VSTM4: variants seen among roughly 807,000 people sequenced by gnomAD.
VSTM4 encodes the protein V-set and transmembrane domain containing 4.
Under a neutral mutation model 36.4 loss-of-function variants are expected in VSTM4, and 20 were observed. The ratio of observed to expected loss-of-function variants is 0.55; its 90% CI spans 0.39 to 0.80. VSTM4 has a LOEUF of 0.80. VSTM4 is among the 30% of genes least tolerant of loss of function. VSTM4 has a pLI of 0.00. For missense variants in VSTM4, 392 were observed against 404.5 expected, an observed-to-expected ratio of 0.97 and a Z score of 0.26; for synonymous variants, 182 against 173.9, an observed-to-expected ratio of 1.05 and a Z score of -0.37.
chr10:49,102,376 C>G (rs1414004100), intron 2 of VSTM4: 4 of 980,658 alleles, frequency 4.1e-6, no homozygotes, highest in Non-Finnish European at 3.6e-6. Flanking sequence ...CTTCGTGATC[C>G]ACCCACCTCG....
At chr10:49,043,235 C>T (rs1007110528) in intron 7 of VSTM4, among the ~76,000 whole-genome samples, 1 of 152,054 alleles carries the variant, frequency 6.6e-6, no homozygotes, top group African/African-American at 2.4e-5. Flanking sequence ...GAAGACTTAC[C>T]ACAATAAAAA....
intron 5 of VSTM4, among the ~76,000 whole-genome samples, chr10:49,059,510 G>A (rs1249447616): frequency 2.0e-5 from 3 of 152,106 alleles, no homozygotes; most frequent in Admixed American, 6.5e-5. Context: ...GAAACTGTAA[G>A]GGAAAAAAGA....
chr10:49,108,465 G>T (rs903691113), intron 1 of VSTM4, among the ~76,000 whole-genome samples: 3 of 152,110 alleles, frequency 2.0e-5, no homozygotes, highest in Admixed American at 6.5e-5. Flanking sequence ...GTGGGGAGCC[G>T]CCCTGGAGCA....
At chr10:49,095,427 G>A (rs1844552524) in intron 2 of VSTM4, among the ~76,000 whole-genome samples, 2 of 152,050 alleles carry the variant, frequency 1.3e-5, no homozygotes, top group Admixed American at 6.6e-5. Flanking sequence ...CCCCGGCAGG[G>A]TCCTTGGTAC....
chr10:49,049,482 T>C lies in VSTM4; in HGVS notation c.669-898A>G, dbSNP rs375636825. ...TGACCATTCATCTTCTTGCAAATGC[T>C]TCCTATTCGCTCCAGTAATCCAGAG... On this transcript the variant is annotated intron_variant, in intron 5 of 7. Transcript: ENST00000332853. 7.2e-5 allele frequency among the ~76,000 whole-genome samples: 11 copies of C among 152,342 alleles called. No homozygotes were observed. In the East Asian group the frequency reaches 1.7e-3, roughly 24 times the overall value.
chr10:49,037,979 GAAGA>G (rs1400002116), intron 7 of VSTM4, among the ~76,000 whole-genome samples: 1 of 151,328 alleles, frequency 6.6e-6, no homozygotes, highest in Admixed American at 6.6e-5. Flanking sequence ...GTGAGGATAT[GAAGA>G]AATTGAAACC....
intron 5 of VSTM4, among the ~76,000 whole-genome samples, chr10:49,057,559 G>A (rs1009247473): frequency 1.3e-5 from 2 of 152,194 alleles, no homozygotes; most frequent in Non-Finnish European, 2.9e-5. Flanking sequence ...GAATCCAGGT[G>A]CATATTCTTT....
chr10:49,048,422 C>T, intron 6 of VSTM4, 56 bp downstream of exon 6: 1 of 1,478,080 alleles, frequency 6.8e-7, no homozygotes, highest in African/African-American at 1.4e-5. Context: ...AACCCCAGAC[C>T]CACAGGGATC....
chr10:49,072,747 C>T (rs59889308), intron 4 of VSTM4, among the ~76,000 whole-genome samples: 26,919 of 152,142 alleles, frequency 0.18, 2,708 homozygotes, highest in Non-Finnish European at 0.23. Context: ...ACCAGCCCTG[C>T]TGTCCTATTT....
chr10:49,089,079 T>A (rs756700535), intron 2 of VSTM4, among the ~76,000 whole-genome samples: 6 of 152,226 alleles, frequency 3.9e-5, no homozygotes, highest in Non-Finnish European at 5.9e-5. Flanking sequence ...AAAGACTCAA[T>A]TGCCACTTGC....
chr10:49,077,425 G>C (rs1844199871), intron 3 of VSTM4, 99 bp from the exon 4 acceptor site: 2 of 1,088,470 alleles, frequency 1.8e-6, no homozygotes, highest in Non-Finnish European at 2.7e-6. Context: ...TGAAATCCCA[G>C]TGCTACAGTC....
At chr10:49,040,659 C>T (rs192314319) in intron 7 of VSTM4, among the ~76,000 whole-genome samples, 186 of 152,330 alleles carry the variant, frequency 1.2e-3, no homozygotes, top group Non-Finnish European at 2.1e-3. Context: ...GTACACACTT[C>T]TTGCAAAATG....
At chr10:49,056,247 T>G (rs7899251) in intron 5 of VSTM4, among the ~76,000 whole-genome samples, 2 of 152,254 alleles carry the variant, frequency 1.3e-5, no homozygotes, top group South Asian at 4.1e-4. Flanking sequence ...GCTGGCTTCA[T>G]GAAGTCCACA....
At chr10:49,037,131 T>C (rs184335484) in intron 7 of VSTM4, among the ~76,000 whole-genome samples, 3 of 152,330 alleles carry the variant, frequency 2.0e-5, no homozygotes, top group Non-Finnish European at 4.4e-5. Context: ...TATTTAGTTT[T>C]CTCCTTGTTG....
chr10:49,086,854 TTTTA>T (rs1416724937), intron 2 of VSTM4, among the ~76,000 whole-genome samples: 1 of 152,228 alleles, frequency 6.6e-6, no homozygotes, highest in East Asian at 1.9e-4. Flanking sequence ...GAATTTTTAC[TTTTA>T]TTTAAGTTTA....
At chr10:49,112,359 G>A (rs1554837197) in intron 1 of VSTM4, among the ~76,000 whole-genome samples, 1 of 152,258 alleles carries the variant, frequency 6.6e-6, no homozygotes, top group African/African-American at 2.4e-5. Flanking sequence ...GAGAAACGAT[G>A]AGACACAGAA....
intron 1 of VSTM4, among the ~76,000 whole-genome samples, chr10:49,114,077 A>G (rs761875026): frequency 2.0e-5 from 3 of 152,094 alleles, no homozygotes; most frequent in Admixed American, 2.0e-4. Flanking sequence ...GCTGCTGGCT[A>G]CTCCACAGAG....
intron 2 of VSTM4, among the ~76,000 whole-genome samples, chr10:49,100,807 AT>A (rs1418434903): frequency 6.6e-6 from 1 of 152,168 alleles, no homozygotes; most frequent in Non-Finnish European, 1.5e-5. Flanking sequence ...AATTTAAAAA[AT>A]AATGAGGATA....
intron 3 of VSTM4, among the ~76,000 whole-genome samples, chr10:49,080,391 C>T (rs1844257855): frequency 6.6e-6 from 1 of 152,218 alleles, no homozygotes; most frequent in African/African-American, 2.4e-5. Context: ...CCCTCCCTGG[C>T]CTAGGCCCCA....
Sources: allele counts gnomAD v4.1 joint callset (sites outside exome capture counted in the v4.1 genomes callset), GRCh38; gene constraint gnomAD v4.1.1; transcripts MANE v1.5; gene names NCBI Gene and HGNC (gene_info 2026-07-23, HGNC 2026-07-21).